Variants in HNRNPLL observed in about 807,000 individuals in gnomAD.
HNRNPLL encodes heterogeneous nuclear ribonucleoprotein L like.
HNRNPLL carries 25 observed loss-of-function variants against 67.1 expected under a neutral mutation model. That is an observed-to-expected ratio of 0.37 (90% CI 0.27 to 0.52). The LOEUF is 0.52. Among genes scored for constraint, HNRNPLL ranks in the 20% least tolerant of loss-of-function variants. The pLI, the probability that HNRNPLL is intolerant of heterozygous loss-of-function variation, is 0.90. For synonymous variants in HNRNPLL, 267 were observed against 241.7 expected, an observed-to-expected ratio of 1.10 and a Z score of -0.97; for missense variants, 542 against 673.9, an observed-to-expected ratio of 0.80 and a Z score of 2.17.
chr2:38,574,592 A>G (rs1477651655), intron 7 of HNRNPLL, among the ~76,000 whole-genome samples: 1 of 151,882 alleles, frequency 6.6e-6, no homozygotes, highest in Non-Finnish European at 1.5e-5. Flanking sequence ...TATTCATAAC[A>G]TACTATTAGA....
intron 1 of HNRNPLL, among the ~76,000 whole-genome samples, chr2:38,598,205 G>A (rs1050955338): frequency 6.6e-6 from 1 of 152,118 alleles, no homozygotes; most frequent in Non-Finnish European, 1.5e-5. Context: ...TAATTAGACG[G>A]GGGAAGAGGG....
chr2:38,587,056 C>A (rs1666763031), intron 2 of HNRNPLL, among the ~76,000 whole-genome samples: 1 of 152,142 alleles, frequency 6.6e-6, no homozygotes, highest in Non-Finnish European at 1.5e-5. Flanking sequence ...CTTTAAAATA[C>A]AATTAAGTGG....
intron 2 of HNRNPLL, among the ~76,000 whole-genome samples, chr2:38,587,702 G>C (rs1362164019): frequency 6.6e-6 from 1 of 152,190 alleles, no homozygotes; most frequent in Admixed American, 6.5e-5. Context: ...GTATTACTGA[G>C]TTTATGTTAT....
At chr2:38,573,707 T>C (rs1004284279) in intron 7 of HNRNPLL, among the ~76,000 whole-genome samples, 5 of 151,850 alleles carry the variant, frequency 3.3e-5, no homozygotes, top group Non-Finnish European at 5.9e-5. Flanking sequence ...AACAAGACTA[T>C]GGGGGGTTAA....
intron 2 of HNRNPLL, among the ~76,000 whole-genome samples, chr2:38,589,268 T>C (rs758760067): frequency 2.0e-5 from 3 of 152,242 alleles, no homozygotes; most frequent in Non-Finnish European, 4.4e-5. Flanking sequence ...ATCTAGTTTT[T>C]ATATATAAGC....
intron 8 of HNRNPLL, among the ~76,000 whole-genome samples, chr2:38,571,567 C>T (rs1339224821): frequency 2.0e-5 from 3 of 152,178 alleles, no homozygotes; most frequent in Non-Finnish European, 2.9e-5. Flanking sequence ...TCAGTCGTAA[C>T]AGGATTTTTC....
Position 38,562,995 on chromosome 2 carries a change from C to T in HNRNPLL, c.*1187G>A, listed in dbSNP as rs1665720487. On this transcript the variant is annotated 3_prime_UTR_variant, in exon 13 of 13. Transcript: ENST00000449105. ...TTGTCAACTACTGATATCAGTTATT[C>T]TAGGTAGATGACACATATTCTCCCT... The T allele has an allele frequency of 6.6e-6, 1 of 151,972 alleles. No homozygotes were observed. The highest frequency in any genetic ancestry group is 1.5e-5 in the Non-Finnish European group (1 of 67,918). 9.4% of individuals were successfully genotyped at this position (151,972 alleles called of 1,614,324 possible). A position where few individuals can be genotyped will look rare whatever the true frequency, so the allele number is the denominator to read the frequency against.
intron 7 of HNRNPLL, among the ~76,000 whole-genome samples, chr2:38,574,367 C>G (rs1457631702): frequency 1.3e-5 from 2 of 151,724 alleles, no homozygotes; most frequent in Non-Finnish European, 3.0e-5. Flanking sequence ...GAAACAGAAA[C>G]CCTACACATC....
At chr2:38,588,779 T>C (rs1245973985) in intron 2 of HNRNPLL, among the ~76,000 whole-genome samples, 22 of 152,112 alleles carry the variant, frequency 1.4e-4, no homozygotes, top group Admixed American at 1.4e-3. Flanking sequence ...TGGTGGCTTG[T>C]GCCTACAGTC....
chr2:38,582,199 G>A, intron 4 of HNRNPLL, 31 bp from the exon 5 acceptor site: 1 of 1,423,498 alleles, frequency 7.0e-7, no homozygotes. Flanking sequence ...TCGGTTTAAG[G>A]TATCTGATAC....
chr2:38,602,728 T>C lies in HNRNPLL; in HGVS notation c.-102A>G. The C allele has an allele frequency of 6.7e-7, 1 of 1,481,570 alleles. No individual in the cohort carries two copies. The allele number at this position is 1,481,570 out of a possible 1,614,324, so 91.8% of individuals were successfully genotyped here. On this transcript the variant is annotated 5_prime_UTR_variant, in exon 1 of 13. Transcript: ENST00000449105. ...TCCTCGCCGCCGGCAGCGCCTCTTC[T>C]GCGAGGGTCTCCGCGGCCCGGCCGT...
chr2:38,602,821 G>A lies in HNRNPLL; in HGVS notation c.-195C>T, dbSNP rs1019120618. On this transcript the variant is annotated 5_prime_UTR_variant, in exon 1 of 13. Coordinates refer to ENST00000449105, the MANE Select transcript of HNRNPLL (RefSeq NM_138394.4). ...CGGACGGACTGAGGGGGGCGCCCCG[G>A]GAGGAAGCTCTGGAGCGGCCGCTCC... 1.1e-5 allele frequency: 17 copies of A among 1,546,698 alleles called. No individual in the cohort carries two copies. Among genetic ancestry groups the A allele is most frequent in the Non-Finnish European group, 1.5e-5 (17 of 1,145,440 alleles).
rs961288048 is a variant in HNRNPLL at position 38,563,262 on chromosome 2, C to T, written c.*920G>A. Reference sequence around the variant, plus strand: ...TTTGGAATAAAAATAAAATTAGATCCTTAAATCTTGTACCATATAGAAAAA... The same window carrying T: ...TTTGGAATAAAAATAAAATTAGATCTTTAAATCTTGTACCATATAGAAAAA... On this transcript the variant is annotated 3_prime_UTR_variant, in exon 13 of 13. Coordinates refer to ENST00000449105, the MANE Select transcript of HNRNPLL (RefSeq NM_138394.4). 1 of 151,718 alleles carries T rather than the reference C, an allele frequency of 6.6e-6. No individual in the cohort carries two copies. Among genetic ancestry groups the T allele is most frequent in the African/African-American group, 2.4e-5 (1 of 41,354 alleles). The allele number at this position is 151,718 out of a possible 1,614,324, so 9.4% of individuals were successfully genotyped here. A position where few individuals can be genotyped will look rare whatever the true frequency, so the allele number is the denominator to read the frequency against.
At chr2:38,594,398 G>A (rs1667091067) in intron 1 of HNRNPLL, among the ~76,000 whole-genome samples, 3 of 152,008 alleles carry the variant, frequency 2.0e-5, no homozygotes, top group South Asian at 2.1e-4. Flanking sequence ...TAGGAACATT[G>A]CGATATTTAG....
intron 10 of HNRNPLL, among the ~76,000 whole-genome samples, 193 bp downstream of exon 10, chr2:38,568,939 TC>T (rs1158633055): frequency 6.6e-6 from 1 of 151,992 alleles, no homozygotes; most frequent in Admixed American, 6.6e-5. Flanking sequence ...GAGCCACAAA[TC>T]AACGAAGCCC....
At chr2:38,591,449 T>C (rs981088755) in intron 2 of HNRNPLL, 81 bp downstream of exon 2, 5 of 804,150 alleles carry the variant, frequency 6.2e-6, no homozygotes, top group Middle Eastern at 4.6e-4. Flanking sequence ...TTTACTATGC[T>C]AAACATCAAG....
intron 3 of HNRNPLL, 30 bp downstream of exon 3, chr2:38,585,614 T>G (rs1169234264): frequency 7.1e-7 from 1 of 1,407,786 alleles, no homozygotes. Context: ...AAATCACTTT[T>G]AATTTCATTT....
chr2:38,581,365 T>C (rs1426041667), intron 6 of HNRNPLL: 1 of 154,372 alleles, frequency 6.5e-6, no homozygotes, highest in African/African-American at 2.4e-5. Context: ...TCCCATGCAA[T>C]TCTGAAGTAC....
intron 1 of HNRNPLL, among the ~76,000 whole-genome samples, chr2:38,595,400 AT>A (rs1667141142): frequency 2.0e-5 from 3 of 151,972 alleles, no homozygotes; most frequent in South Asian, 4.1e-4. Flanking sequence ...GTGCTAAAAA[AT>A]ATAACTATTT....
Sources: allele counts gnomAD v4.1 joint callset (sites outside exome capture counted in the v4.1 genomes callset), GRCh38; gene constraint gnomAD v4.1.1; transcripts MANE v1.5; gene names NCBI Gene and HGNC (gene_info 2026-07-23, HGNC 2026-07-21).